Variants in RNF32 observed in about 807,000 individuals in gnomAD.
RNF32 encodes ring finger protein 32.
RNF32 carries 36 observed loss-of-function variants against 41.0 expected under a neutral mutation model. That is an observed-to-expected ratio of 0.88 (90% CI 0.67 to 1.16). The LOEUF (loss-of-function observed/expected upper bound fraction) is 1.16. Among genes scored for constraint, RNF32 ranks in the 50% most tolerant of loss-of-function variants. The pLI is 0.00. For missense variants in RNF32, 413 were observed against 436.7 expected (o/e 0.95, Z 0.48); for synonymous variants, 154 against 160.9 (o/e 0.96, Z 0.32).
At chr7:156,665,195 A>T (rs191788889) in intron 7 of RNF32, among the ~76,000 whole-genome samples, 15 of 152,194 alleles carry the variant, frequency 9.9e-5, no homozygotes, top group African/African-American at 3.6e-4. Context: ...TTAAAAATAA[A>T]TTCCAAAGCC....
chr7:156,667,957 T>G (rs902317574), intron 7 of RNF32, among the ~76,000 whole-genome samples: 3 of 152,326 alleles, frequency 2.0e-5, no homozygotes, highest in East Asian at 3.9e-4. Flanking sequence ...AACTTGAAAA[T>G]CATTTTAGGT....
rs75841437 is a variant in RNF32, at chr7:156,666,383, C to G, written c.684+7813C>G. ...TGACGAGTGAAAAGGGACCCTCTTT[C>G]TGTGAAGAGGAATGCTTGCATACAC... is the stretch of plus-strand genomic sequence containing the variant. On this transcript the variant is annotated intron_variant, in intron 7 of 8. Coordinates refer to ENST00000317955, the MANE Select transcript of RNF32 (RefSeq NM_030936.4). 8.2e-3 allele frequency among the ~76,000 whole-genome samples: 1,244 copies of G among 152,312 alleles called. 19 individuals carry two copies. The highest frequency in any genetic ancestry group is 0.028 in the African/African-American group (1,162 of 41,572).
chr7:156,649,710 C>T (rs1798455190), intron 3 of RNF32, among the ~76,000 whole-genome samples: 1 of 152,004 alleles, frequency 6.6e-6, no homozygotes, highest in Non-Finnish European at 1.5e-5. Flanking sequence ...TTGTTTGTGC[C>T]GTAAATTACA....
chr7:156,659,644 C>T, intron 7 of RNF32: 2 of 923,980 alleles, frequency 2.2e-6, no homozygotes, highest in Non-Finnish European at 2.6e-6. Flanking sequence ...TTTTCATGTG[C>T]ACACATCATT....
intron 3 of RNF32, among the ~76,000 whole-genome samples, chr7:156,648,070 G>C (rs1798219521): frequency 6.6e-6 from 1 of 151,464 alleles, no homozygotes; most frequent in Admixed American, 6.6e-5. Context: ...TTCCTCGTAG[G>C]TTCTGGATAC....
At chr7:156,643,255 A>G (rs1797593819) in intron 1 of RNF32, among the ~76,000 whole-genome samples, 1 of 152,080 alleles carries the variant, frequency 6.6e-6, no homozygotes, top group South Asian at 2.1e-4. Context: ...TTCAATTGGA[A>G]CTCAAGTTGG....
chr7:156,647,810 G>A (rs1798169052), intron 3 of RNF32, among the ~76,000 whole-genome samples: 1 of 152,166 alleles, frequency 6.6e-6, no homozygotes, highest in Admixed American at 6.5e-5. Flanking sequence ...CAGTGTATAA[G>A]CATTCTCCTT....
rs1309425493 is a variant in RNF32 at position 156,644,438 on chromosome 7, C to T, written c.16-61C>T. On this transcript the variant is annotated intron_variant, in intron 2 of 8. Coordinates refer to ENST00000317955, the MANE Select transcript of RNF32 (RefSeq NM_030936.4). ...AAGGTTGAGTATTGAAGCCTCAGTT[C>T]TCTTCTAAATGATATATTACATAAT... The T allele has an allele frequency of 7.6e-6, 10 of 1,320,286 alleles. No individual in the cohort carries two copies. In the East Asian group the frequency reaches 1.6e-4, roughly 21 times the overall value. The allele number at this position is 1,320,286 out of a possible 1,614,324, so 81.8% of individuals were successfully genotyped here.
In RNF32 at chr7:156,676,453, G is replaced by T. The variant is rs1330264328; in HGVS notation, c.887G>T (p.Cys296Phe). 1 of 1,613,940 alleles carries T rather than the reference G, an allele frequency of 6.2e-7. No homozygotes were observed. Among genetic ancestry groups the T allele is most frequent in the African/African-American group, 1.3e-5 (1 of 74,932 alleles). ...LRRETHECSI[C>F]LAPLSAAGGQ... ...CGGGAGACCCACGAGTGCTCCATCT[G>T]CCTGGCCCCTCTCTCCGCTGCTGGC... Residue 296 changes from cysteine (C) to phenylalanine (F), a missense_variant, in exon 9 of 9, where the codon TGC becomes TTC. Transcript: ENST00000317955.
intron 7 of RNF32, among the ~76,000 whole-genome samples, chr7:156,665,469 A>C (rs1335985134): frequency 1.3e-5 from 2 of 152,242 alleles, no homozygotes; most frequent in Non-Finnish European, 2.9e-5. Flanking sequence ...GATCTGGGGA[A>C]CAACAGTTTT....
intron 1 of RNF32, chr7:156,643,082 A>G (rs1023708929): frequency 6.6e-6 from 1 of 152,236 alleles, no homozygotes; most frequent in Non-Finnish European, 1.5e-5. Context: ...AGCAAGAATA[A>G]CAAGAGTAAG....
intron 7 of RNF32, among the ~76,000 whole-genome samples, chr7:156,664,699 T>G (rs180737795): frequency 6.6e-6 from 1 of 152,224 alleles, no homozygotes; most frequent in Non-Finnish European, 1.5e-5. Flanking sequence ...ATAATAAATG[T>G]GAGACAAATA....
At chr7:156,660,075 G>T in intron 7 of RNF32, 1 of 985,838 alleles carries the variant, frequency 1.0e-6, no homozygotes, top group Non-Finnish European at 1.2e-6. Flanking sequence ...TTTTATCCTT[G>T]GTTCATCCCA....
intron 7 of RNF32, chr7:156,659,633 T>C (rs1800302235): frequency 1.1e-6 from 1 of 928,348 alleles, no homozygotes; most frequent in Non-Finnish European, 1.3e-6. Flanking sequence ...TATATAAATA[T>C]TTTTCATGTG....
chr7:156,676,608 TG>T lies in RNF32; in HGVS notation c.1043del (p.Cys348PhefsTer23). On this transcript the variant is annotated frameshift_variant, in exon 9 of 9. Coordinates refer to ENST00000317955, the MANE Select transcript of RNF32 (RefSeq NM_030936.4). LOFTEE classifies it high-confidence loss of function. ...SVGDRPPFHA[C>X]PLCRSCYQKK... Reference sequence around the variant, plus strand: ...GGGAGACAGGCCTCCTTTCCATGCCTGTCCTCTCTGCCGCTCCTGCTACCAG... The same window carrying T: ...GGGAGACAGGCCTCCTTTCCATGCCTTCCTCTCTGCCGCTCCTGCTACCAG... 7 of 1,614,216 alleles carry T rather than the reference TG, an allele frequency of 4.3e-6. No homozygotes were observed. The highest frequency in any genetic ancestry group is 5.9e-6 in the Non-Finnish European group (7 of 1,180,022).
intron 3 of RNF32, chr7:156,646,484 T>A: frequency 7.7e-7 from 1 of 1,300,766 alleles, no homozygotes; most frequent in Non-Finnish European, 1.0e-6. Flanking sequence ...CAGCCAACTT[T>A]AAACCAGTAT....
chr7:156,641,323 T>C (rs1210323196), intron 1 of RNF32, among the ~76,000 whole-genome samples: 1 of 152,214 alleles, frequency 6.6e-6, no homozygotes, highest in South Asian at 2.1e-4. Flanking sequence ...TAGCTGAGGT[T>C]ACTCGCTTTG....
intron 7 of RNF32, among the ~76,000 whole-genome samples, chr7:156,660,757 C>T (rs569852181): frequency 2.0e-5 from 3 of 152,286 alleles, no homozygotes; most frequent in African/African-American, 4.8e-5. Flanking sequence ...CTGACTGATA[C>T]GAGTGACTGC....
At position 156,646,168 on chromosome 7, in the gene RNF32, T is replaced by C. The variant is rs1437275113; in HGVS notation, c.274+1411T>C. ...AAGGAGATGTATTATGCACTTATAA[T>C]TGTAAATGCTGTTTTTAAGGATATT... On this transcript the variant is annotated intron_variant, in intron 3 of 8. Coordinates refer to ENST00000317955, the MANE Select transcript of RNF32 (RefSeq NM_030936.4). Among the ~76,000 whole-genome samples, 3 of 152,364 alleles carry C rather than the reference T, an allele frequency of 2.0e-5. No individual in the cohort carries two copies. The East Asian group carries it at 5.8e-4, about 29-fold the overall frequency.
Sources: allele counts gnomAD v4.1 joint callset (sites outside exome capture counted in the v4.1 genomes callset), GRCh38; gene constraint gnomAD v4.1.1; transcripts MANE v1.5; gene names NCBI Gene and HGNC (gene_info 2026-07-23, HGNC 2026-07-21).